Variants in CFAP61 observed in about 807,000 individuals in gnomAD.
CFAP61 encodes the protein cilia and flagella associated protein 61.
A neutral mutation model predicts 135.6 loss-of-function variants in CFAP61; 107 were observed. The ratio of observed to expected loss-of-function variants is 0.79; its 90% CI spans 0.67 to 0.93. CFAP61 has a LOEUF of 0.93. CFAP61 is among the 40% of genes least tolerant of loss of function. The pLI, the probability that CFAP61 is intolerant of heterozygous loss-of-function variation, is 0.00. For synonymous variants in CFAP61, 575 were observed against 578.5 expected, an observed-to-expected ratio of 0.99 and a Z score of 0.09; for missense variants, 1,507 against 1,556.2, an observed-to-expected ratio of 0.97 and a Z score of 0.53.
intron 25 of CFAP61, among the ~76,000 whole-genome samples, chr20:20,320,387 T>TATATGTA (rs2057403141): frequency 5.2e-5 from 1 of 19,136 alleles, no homozygotes; most frequent in African/African-American, 1.5e-4. Flanking sequence ...ATATATGTAA[T>TATATGTA]ATATATAATA....
At chr20:20,212,146 T>G (rs1180525201) in intron 17 of CFAP61, among the ~76,000 whole-genome samples, 1 of 152,162 alleles carries the variant, frequency 6.6e-6, no homozygotes, top group East Asian at 1.9e-4. Context: ...GGCAGGCCCC[T>G]TTCAGACCAT....
At chr20:20,054,013 G>GTTTTTTTTTTTTTTT (rs1239349657) in intron 1 of CFAP61, among the ~76,000 whole-genome samples, 194 of 58,382 alleles carry the variant, frequency 3.3e-3, no homozygotes, top group Non-Finnish European at 4.3e-3. Flanking sequence ...TTTTTTGTTT[G>GTTTTTTTTTTTTTTT]TTTTTTTTTT....
chr20:20,123,089 G>A (rs1052714966), intron 8 of CFAP61, among the ~76,000 whole-genome samples: 5 of 151,572 alleles, frequency 3.3e-5, no homozygotes, highest in African/African-American at 1.2e-4. Flanking sequence ...ATCTATTCAT[G>A]TCCTTAGCTC....
chr20:20,248,161 C>A (rs768283904), intron 19 of CFAP61, among the ~76,000 whole-genome samples: 1 of 152,118 alleles, frequency 6.6e-6, no homozygotes, highest in Non-Finnish European at 1.5e-5. Flanking sequence ...TCCAGAAATA[C>A]CTGCAAAACT....
intron 8 of CFAP61, among the ~76,000 whole-genome samples, chr20:20,122,564 C>G (rs1260433947): frequency 6.6e-6 from 1 of 152,222 alleles, no homozygotes; most frequent in Non-Finnish European, 1.5e-5. Context: ...ATAATAGTCT[C>G]TAATCTCATC....
At chr20:20,168,760 T>G (rs2054012119) in intron 12 of CFAP61, among the ~76,000 whole-genome samples, 1 of 152,212 alleles carries the variant, frequency 6.6e-6, no homozygotes, top group Non-Finnish European at 1.5e-5. Flanking sequence ...ACCTCTTATG[T>G]CTGCTAACTA....
intron 20 of CFAP61, among the ~76,000 whole-genome samples, chr20:20,257,026 A>G (rs1225494743): frequency 2.0e-5 from 3 of 152,250 alleles, no homozygotes; most frequent in Non-Finnish European, 4.4e-5. Flanking sequence ...ATGGCAGGAA[A>G]AAATTGAACA....
intron 6 of CFAP61, among the ~76,000 whole-genome samples, chr20:20,089,820 G>A (rs1300116290): frequency 2.0e-5 from 3 of 152,144 alleles, no homozygotes; most frequent in South Asian, 2.1e-4. Flanking sequence ...GAATGGAAGC[G>A]GAGTGGATGT....
At chr20:20,242,092 C>A (rs1211518372) in intron 18 of CFAP61, among the ~76,000 whole-genome samples, 1 of 152,144 alleles carries the variant, frequency 6.6e-6, no homozygotes, top group Non-Finnish European at 1.5e-5. Context: ...TTCTGGCCTG[C>A]GCCATCACCA....
intron 26 of CFAP61, among the ~76,000 whole-genome samples, chr20:20,343,180 C>A (rs1271185829): frequency 6.6e-6 from 1 of 152,148 alleles, no homozygotes; most frequent in Non-Finnish European, 1.5e-5. Flanking sequence ...TAAATCAGCT[C>A]CATGGTAACA....
intron 10 of CFAP61, among the ~76,000 whole-genome samples, chr20:20,160,728 C>G (rs79219068): frequency 6.6e-6 from 1 of 152,292 alleles, no homozygotes; most frequent in East Asian, 1.9e-4. Flanking sequence ...TGGAGCCCCA[C>G]CCATATCCTC....
chr20:20,360,422 GTC>G lies in CFAP61; in HGVS notation c.*15_*16del. ...CAGGCATCGTTTAGTTGTAGGCAGGGTCTCCCCTTTATGGTTTTCATTTATTT... is the reference window on the plus strand; with the variant it reads ...CAGGCATCGTTTAGTTGTAGGCAGGGTCCCCTTTATGGTTTTCATTTATTT... On this transcript the variant is annotated 3_prime_UTR_variant, in exon 27 of 27. Transcript: ENST00000245957. 1 of 1,612,310 alleles carries G rather than the reference GTC, an allele frequency of 6.2e-7. No individual in the cohort carries two copies. Among genetic ancestry groups the G allele is most frequent in the Non-Finnish European group, 8.5e-7 (1 of 1,179,030 alleles).
rs1382781049 is a variant in CFAP61, at chr20:20,359,671, C to CA, written c.3514-533dup. On this transcript the variant is annotated intron_variant, in intron 26 of 26. Coordinates refer to ENST00000245957, the MANE Select transcript of CFAP61 (RefSeq NM_015585.4). The surrounding 1 kb of genome is among the most constrained non-coding windows in gnomAD (Gnocchi z 4.0). ...AACAGCGAAATTCCGTCTCAAAAAG[C>CA]AAAAAACAAAACAACAACAACAACA... 3.5e-5 allele frequency among the ~76,000 whole-genome samples: 2 copies of CA among 56,464 alleles called. No homozygotes were observed. Among genetic ancestry groups the CA allele is most frequent in the East Asian group, 7.1e-4 (1 of 1,412 alleles). 37.0% of individuals were successfully genotyped at this position (56,464 alleles called of 152,430 possible).
chr20:20,127,158 C>T (rs921719292), intron 8 of CFAP61, among the ~76,000 whole-genome samples: 7 of 151,634 alleles, frequency 4.6e-5, no homozygotes, highest in African/African-American at 7.3e-5. Context: ...CATTGGGCTT[C>T]GCCTTTCTCT....
intron 19 of CFAP61, 34 bp from the exon 20 acceptor site, chr20:20,251,561 T>A (rs2050910514): frequency 6.2e-7 from 1 of 1,608,654 alleles, no homozygotes; most frequent in East Asian, 2.2e-5. Context: ...TGTCAGCTGC[T>A]CAGATGTCAC....
At chr20:20,054,364 G>T (rs1021418735) in intron 1 of CFAP61, among the ~76,000 whole-genome samples, 1 of 151,730 alleles carries the variant, frequency 6.6e-6, no homozygotes, top group Non-Finnish European at 1.5e-5. Context: ...TCAGCCCATT[G>T]ACTATTTTGT....
At chr20:20,187,678 A>G (rs1466345477) in intron 13 of CFAP61, among the ~76,000 whole-genome samples, 1 of 152,318 alleles carries the variant, frequency 6.6e-6, no homozygotes, top group East Asian at 1.9e-4. Flanking sequence ...AAATGTATTT[A>G]AAGTATCTCT....
chr20:20,309,107 G>A (rs762755116), intron 25 of CFAP61, among the ~76,000 whole-genome samples: 1 of 152,176 alleles, frequency 6.6e-6, no homozygotes, highest in African/African-American at 2.4e-5. Context: ...GCAAAGAGAC[G>A]CTTTGAAGCC....
intron 8 of CFAP61, among the ~76,000 whole-genome samples, chr20:20,104,504 G>A (rs932220062): frequency 6.6e-6 from 1 of 152,088 alleles, no homozygotes; most frequent in African/African-American, 2.4e-5. Context: ...TATATTCCTG[G>A]ATTCCCTTCT....
Sources: gnomAD v4.1 joint callset for allele counts (sites outside exome capture counted in the v4.1 genomes callset) on GRCh38, gnomAD v4.1.1 for gene constraint, Gnocchi (gnomAD v3.1) non-coding constraint, MANE v1.5 for transcripts, NCBI Gene and HGNC (gene_info 2026-07-23, HGNC 2026-07-21) for gene names.